The following STIM2 variants were observed in gnomAD, a reference collection of about 807,000 sequenced individuals.
STIM2 encodes the protein stromal interaction molecule 2.
Under a neutral mutation model 85.8 loss-of-function variants are expected in STIM2, and 31 were observed. That is an observed-to-expected ratio of 0.36 (90% confidence interval 0.27 to 0.49). STIM2 has a LOEUF of 0.49. STIM2 is among the 20% of genes least tolerant of loss of function. STIM2 has a pLI of 0.98. For synonymous variants in STIM2, 356 were observed against 331.1 expected, an observed-to-expected ratio of 1.08 and a Z score of -0.82; for missense variants, 841 against 927.6, an observed-to-expected ratio of 0.91 and a Z score of 1.21.
At chr4:26,956,930 A>T (rs1018926580) in intron 2 of STIM2, among the ~76,000 whole-genome samples, 3 of 152,110 alleles carry the variant, frequency 2.0e-5, no homozygotes, top group African/African-American at 7.2e-5. Flanking sequence ...AATGAAGATA[A>T]ATAATGCTTT....
intron 2 of STIM2, among the ~76,000 whole-genome samples, chr4:26,921,989 G>A (rs1398886343): frequency 1.3e-5 from 2 of 152,068 alleles, no homozygotes; most frequent in African/African-American, 2.4e-5. Context: ...TAGAACCACC[G>A]ACTATATGAT....
At chr4:26,879,074 C>T (rs1036692070) in intron 1 of STIM2, among the ~76,000 whole-genome samples, 11 of 152,154 alleles carry the variant, frequency 7.2e-5, no homozygotes, top group Admixed American at 4.6e-4. Flanking sequence ...TCTCCCCTGT[C>T]GTGTGCTCTT....
intron 3 of STIM2, among the ~76,000 whole-genome samples, chr4:26,962,359 C>T (rs750017609): frequency 6.6e-6 from 1 of 152,108 alleles, no homozygotes; most frequent in Non-Finnish European, 1.5e-5. Context: ...AAGTTTTGTA[C>T]TGTTTTTGAC....
At chr4:26,931,225 A>T (rs1468888155) in intron 2 of STIM2, among the ~76,000 whole-genome samples, 1 of 152,094 alleles carries the variant, frequency 6.6e-6, no homozygotes, top group Non-Finnish European at 1.5e-5. Flanking sequence ...TGGACGTCAT[A>T]ATCTTTTTGT....
rs934982789 is a variant in STIM2, at chr4:26,919,419, G to T, written c.152-85G>T. Reference sequence around the variant, plus strand: ...TTAACTTAGTCTGAAGTTTAATTCTGTTGGTTTTCTTTTAAATTATACTCT... The same window carrying T: ...TTAACTTAGTCTGAAGTTTAATTCTTTTGGTTTTCTTTTAAATTATACTCT... On this transcript the variant is annotated intron_variant, in intron 1 of 11. Transcript: ENST00000467087. 7.7e-6 allele frequency: 12 copies of T among 1,553,518 alleles called. No individual in the cohort carries two copies. In the Admixed American group the frequency reaches 1.0e-4, roughly 13 times the overall value.
intron 1 of STIM2, among the ~76,000 whole-genome samples, chr4:26,906,440 G>GTTTTTT (rs1211425958): frequency 1.7e-5 from 2 of 116,128 alleles, no homozygotes; most frequent in Non-Finnish European, 1.8e-5. Flanking sequence ...AAGTTTGTTT[G>GTTTTTT]TTTTTTTTTT....
intron 1 of STIM2, among the ~76,000 whole-genome samples, chr4:26,910,676 A>G (rs779810407): frequency 2.0e-5 from 3 of 152,236 alleles, no homozygotes; most frequent in Admixed American, 6.5e-5. Context: ...CCATGAATAT[A>G]AGTGTAGATA....
intron 1 of STIM2, among the ~76,000 whole-genome samples, chr4:26,913,053 T>C (rs995601178): frequency 5.3e-5 from 8 of 152,178 alleles, no homozygotes; most frequent in Non-Finnish European, 1.2e-4. Context: ...AGAACTAGCC[T>C]GCTAGCCAGT....
chr4:27,019,423 T>C, intron 11 of STIM2: 1 of 1,289,788 alleles, frequency 7.8e-7, no homozygotes, highest in Non-Finnish European at 1.0e-6. Flanking sequence ...ACCAGCAAGA[T>C]GCCTTTACTG....
intron 2 of STIM2, among the ~76,000 whole-genome samples, chr4:26,957,340 A>G (rs369202332): frequency 6.6e-6 from 1 of 152,146 alleles, no homozygotes; most frequent in African/African-American, 2.4e-5. Flanking sequence ...CCTATTTGTT[A>G]TATAACTTAG....
chr4:26,939,252 A>T (rs1725509590), intron 2 of STIM2, among the ~76,000 whole-genome samples: 1 of 151,856 alleles, frequency 6.6e-6, no homozygotes. Flanking sequence ...CATCTTAAGG[A>T]CTCTACCAAG....
intron 1 of STIM2, among the ~76,000 whole-genome samples, chr4:26,905,524 G>A (rs530064076): frequency 4.6e-5 from 7 of 152,266 alleles, no homozygotes; most frequent in African/African-American, 1.7e-4. Flanking sequence ...ATGTGTGTGG[G>A]AAGAATAATC....
chr4:26,951,252 G>A (rs1334458673), intron 2 of STIM2, among the ~76,000 whole-genome samples: 3 of 152,084 alleles, frequency 2.0e-5, no homozygotes, highest in African/African-American at 7.2e-5. Context: ...AAGGTAATGA[G>A]CATTTAACAT....
chr4:26,977,649 G>A (rs1217699181), intron 3 of STIM2, among the ~76,000 whole-genome samples: 1 of 152,116 alleles, frequency 6.6e-6, no homozygotes, highest in East Asian at 1.9e-4. Context: ...TTACTAGTGG[G>A]GGACAGGGAC....
chr4:26,977,691 G>A (rs1375842510), intron 3 of STIM2, among the ~76,000 whole-genome samples: 1 of 152,118 alleles, frequency 6.6e-6, no homozygotes, highest in East Asian at 1.9e-4. Flanking sequence ...GGTTTTATGT[G>A]GCATTGAAAT....
At chr4:26,894,830 A>T (rs1393552184) in intron 1 of STIM2, among the ~76,000 whole-genome samples, 1 of 152,236 alleles carries the variant, frequency 6.6e-6, no homozygotes, top group African/African-American at 2.4e-5. Flanking sequence ...CATGGAAAAA[A>T]ACCTATTGGA....
intron 3 of STIM2, among the ~76,000 whole-genome samples, chr4:26,974,069 T>G (rs1244771423): frequency 2.0e-5 from 3 of 152,214 alleles, no homozygotes; most frequent in African/African-American, 7.2e-5. Flanking sequence ...CTGCTTTTTT[T>G]TGCTTTCCAT....
chr4:26,873,311 C>CT (rs200843833), intron 1 of STIM2, among the ~76,000 whole-genome samples: 5,596 of 152,066 alleles, frequency 0.037, 141 homozygotes, highest in South Asian at 0.079. Context: ...GAAAAACTCA[C>CT]TTGAACCCTG....
In STIM2 at chr4:27,009,013, A is replaced by G. The variant is rs201668076; in HGVS notation, c.1489+11A>G. ...TGTCACAATTTCCCGGTAAGTGGCA[A>G]TTTCAACAAAAATTGTTGGTACAGG... On this transcript the variant is annotated intron_variant, in intron 10 of 11. Coordinates refer to ENST00000467087, the MANE Select transcript of STIM2 (RefSeq NM_020860.4). 3.0e-4 allele frequency: 485 copies of G among 1,606,108 alleles called. No homozygotes were observed. The highest frequency in any genetic ancestry group is 3.8e-4 in the Non-Finnish European group (441 of 1,174,618).
Sources: gnomAD v4.1 joint callset for allele counts (sites outside exome capture counted in the v4.1 genomes callset) on GRCh38, gnomAD v4.1.1 for gene constraint, MANE v1.5 for transcripts, NCBI Gene and HGNC (gene_info 2026-07-23, HGNC 2026-07-21) for gene names.